Variants in KIF1A observed in about 807,000 individuals in gnomAD.
KIF1A encodes kinesin family member 1A.
In KIF1A, 46 loss-of-function variants were observed where a neutral mutation model predicts 227.3. The observed-to-expected ratio is 0.20, with a 90% confidence interval of 0.16 to 0.26. The LOEUF (loss-of-function observed/expected upper bound fraction) is 0.26, where lower values mean the gene tolerates loss of function less well. KIF1A is among the 10% of genes least tolerant of loss of function. The probability of loss-of-function intolerance (pLI) is 1.00; values close to 1 mark genes in which losing one functional copy is unlikely to be tolerated. For missense variants in KIF1A, 1,683 were observed against 2,485.9 expected, an observed-to-expected ratio of 0.68 and a Z score of 6.87; for synonymous variants, 1,022 against 1,012.8, an observed-to-expected ratio of 1.01 and a Z score of -0.17.
intron 27 of KIF1A, among the ~76,000 whole-genome samples, chr2:240,754,406 G>A (rs1438793545): frequency 1.3e-5 from 2 of 152,180 alleles, no homozygotes; most frequent in African/African-American, 4.8e-5. Context: ...TGATAGACTT[G>A]TTCAGCCAGA....
intron 32 of KIF1A, among the ~76,000 whole-genome samples, chr2:240,744,758 G>A (rs2048389390): frequency 6.6e-6 from 1 of 152,154 alleles, no homozygotes; most frequent in Admixed American, 6.5e-5. Context: ...GTTTTTAGAT[G>A]CCCCCACCTG....
chr2:240,745,501 C>T lies in KIF1A; in HGVS notation c.3391G>A (p.Asp1131Asn). The T allele has an allele frequency of 6.2e-7, 1 of 1,611,774 alleles. No individual in the cohort carries two copies. The highest frequency in any genetic ancestry group is 8.5e-7 in the Non-Finnish European group (1 of 1,178,460). ...FCQFNFIHRH[D>N]EAFSTEPLKN... ...AGGGGCTCTGTGGAGAAGGCCTCGT[C>T]GTGGCGGTGGATGAAGCTGCAAAGC... Residue 1131 changes from aspartate to asparagine, a missense_variant, in exon 32 of 49, where the codon GAC becomes AAC. By Grantham distance (23) the Asp-to-Asn change is conservative (BLOSUM62 1). Around this residue, in one of 12 missense-constraint regions of KIF1A, gnomAD observed 759 missense variants for 1,020.2 expected, o/e 0.74. Coordinates refer to ENST00000498729, the MANE Select transcript of KIF1A (RefSeq NM_001244008.2).
intron 45 of KIF1A, chr2:240,720,262 TCCA>T: frequency 4.5e-6 from 1 of 220,528 alleles, no homozygotes; most frequent in African/African-American, 2.3e-5. Flanking sequence ...TCTCTTCATC[TCCA>T]CAACTAGACT....
intron 1 of KIF1A, among the ~76,000 whole-genome samples, chr2:240,804,997 G>T (rs369305546): frequency 6.8e-6 from 1 of 147,406 alleles, no homozygotes. Flanking sequence ...CAAAAAAGGA[G>T]AGGAGAGAAG....
Position 240,788,046 on chromosome 2 carries a change from C to CGA in KIF1A, c.363+4_363+5insTC. On this transcript the variant is annotated splice_donor_region_variant and intron_variant, in intron 4 of 48. Transcript: ENST00000498729. This position sits in a 1 kb window ranked among gnomAD's most constrained non-coding sequence, Gnocchi z 6.6. The stretch of plus-strand genomic sequence containing the variant: ...GGCTGCCCCCGCCCGCCCCCCGCTT[C>CGA]GTGCCTGTGGGATGATGCCCTGCTG... 8.5e-7 allele frequency: 1 copy of CGA among 1,173,798 alleles called. No homozygotes were observed. Among genetic ancestry groups the CGA allele is most frequent in the Non-Finnish European group, 1.2e-6 (1 of 827,396 alleles). 72.7% of individuals were successfully genotyped at this position (1,173,798 alleles called of 1,614,324 possible).
At chr2:240,731,345 C>A (rs1242885250) in intron 38 of KIF1A, among the ~76,000 whole-genome samples, 1 of 152,220 alleles carries the variant, frequency 6.6e-6, no homozygotes, top group African/African-American at 2.4e-5. Context: ...TGCATCCTGT[C>A]CCCACAGGCT....
chr2:240,816,405 AT>A (rs2126265335), intron 1 of KIF1A, among the ~76,000 whole-genome samples: 1 of 152,122 alleles, frequency 6.6e-6, no homozygotes, highest in African/African-American at 2.4e-5. Context: ...GAGTGGATGC[AT>A]GTGACTATGA....
chr2:240,800,926 G>A (rs1393547045), intron 1 of KIF1A, among the ~76,000 whole-genome samples: 10 of 152,186 alleles, frequency 6.6e-5, no homozygotes, highest in Middle Eastern at 3.2e-3. Context: ...ACCTGCCCTC[G>A]CTTGGTTTAA....
At chr2:240,781,424 C>T (rs1178449122) in intron 10 of KIF1A, among the ~76,000 whole-genome samples, 1 of 79,278 alleles carries the variant, frequency 1.3e-5, no homozygotes, top group Non-Finnish European at 2.5e-5. Context: ...CACACACACA[C>T]ACAGCTCCAC....
intron 27 of KIF1A, among the ~76,000 whole-genome samples, chr2:240,751,526 A>T (rs1429738032): frequency 6.6e-6 from 1 of 152,144 alleles, no homozygotes; most frequent in African/African-American, 2.4e-5. Flanking sequence ...TGCAGCAGCA[A>T]GTCAGAAACC....
intron 9 of KIF1A, 75 bp from the exon 10 acceptor site, chr2:240,782,682 C>A (rs988407719): frequency 3.4e-5 from 50 of 1,470,182 alleles, no homozygotes; most frequent in Non-Finnish European, 4.5e-5. Flanking sequence ...GAAGAGCAGG[C>A]GGCCCGGCTG....
At position 240,766,434 on chromosome 2, in the gene KIF1A, C is replaced by T. The variant is rs1011947594; in HGVS notation, c.1684+481G>A. ...CAGGCAGGGGAAACGGACAGATGGC[C>T]GCCCACAGCCAACAGGAAACCAAGG... On this transcript the variant is annotated intron_variant, in intron 19 of 48. Coordinates refer to ENST00000498729, the MANE Select transcript of KIF1A (RefSeq NM_001244008.2). The surrounding 1 kb of genome is among the most constrained non-coding windows in gnomAD (Gnocchi z 5.0). 6.6e-6 allele frequency among the ~76,000 whole-genome samples: 1 copy of T among 152,256 alleles called. No homozygotes were observed. Among genetic ancestry groups the T allele is most frequent in the Non-Finnish European group, 1.5e-5 (1 of 68,004 alleles).
At chr2:240,776,297 G>A (rs896500861) in intron 10 of KIF1A, among the ~76,000 whole-genome samples, 3 of 152,096 alleles carry the variant, frequency 2.0e-5, no homozygotes, top group African/African-American at 2.4e-5. Flanking sequence ...GCCCCTCCTC[G>A]AACACCATCA....
At chr2:240,755,117 A>G (rs2049684274) in intron 27 of KIF1A, among the ~76,000 whole-genome samples, 1 of 152,086 alleles carries the variant, frequency 6.6e-6, no homozygotes, top group South Asian at 2.1e-4. Context: ...CTGTTGGAAT[A>G]TGGGCAGTGG....
Position 240,745,893 on chromosome 2 carries a change from G to A in KIF1A, c.3219C>T (p.Gly1073=). 1 of 1,604,542 alleles carries A rather than the reference G, an allele frequency of 6.2e-7. No homozygotes were observed. The highest frequency in any genetic ancestry group is 8.5e-7 in the Non-Finnish European group (1 of 1,174,052). Residue 1073 remains glycine, a synonymous_variant, in exon 31 of 49, where the codon GGC becomes GGT. Coordinates refer to ENST00000498729, the MANE Select transcript of KIF1A (RefSeq NM_001244008.2). ...CTTTCTCAGAGCTGTCTAGGAGGAG[G>A]CCTTCTGGGGGCACTGCTGCTGGGA... is the stretch of plus-strand genomic sequence containing the variant. ...NNTCSAVPPE[G]LLLDSSEKAA...
Position 240,757,227 on chromosome 2 carries a change from G to T in KIF1A, c.2858+92C>A. 1 of 1,326,768 alleles carries T rather than the reference G, an allele frequency of 7.5e-7. No homozygotes were observed. Among genetic ancestry groups the T allele is most frequent in the Admixed American group, 2.1e-5 (1 of 47,894 alleles). The allele number at this position is 1,326,768 out of a possible 1,614,324, so 82.2% of individuals were successfully genotyped here. A position where few individuals can be genotyped will look rare whatever the true frequency, so the allele number is the denominator to read the frequency against. ...CCTCGCCTGCCCTGGGAGGGCCCGG[G>T]CCAGGCCCCAGCGGTTCCTCTGTGC... On this transcript the variant is annotated intron_variant, in intron 27 of 48. Transcript: ENST00000498729. The surrounding 1 kb of genome is among the most constrained non-coding windows in gnomAD (Gnocchi z 6.2).
chr2:240,784,124 G>A (rs1009727581), intron 7 of KIF1A, among the ~76,000 whole-genome samples: 2 of 152,230 alleles, frequency 1.3e-5, no homozygotes, highest in African/African-American at 4.8e-5. Context: ...CATCCACGAG[G>A]TGCGACTGTC....
intron 38 of KIF1A, chr2:240,728,516 G>A (rs1004020975): frequency 2.6e-5 from 19 of 722,112 alleles, no homozygotes; most frequent in Non-Finnish European, 3.3e-5. Context: ...TTAAGAGTTC[G>A]GCAGGTGCAC....
At chr2:240,721,757 T>C in intron 44 of KIF1A, 50 bp downstream of exon 44, 1 of 1,467,486 alleles carries the variant, frequency 6.8e-7, no homozygotes, top group South Asian at 1.2e-5. Context: ...CCACTGCCTA[T>C]GGGAGCCCGA....
Sources: allele counts gnomAD v4.1 joint callset (sites outside exome capture counted in the v4.1 genomes callset), GRCh38; gene constraint gnomAD v4.1.1; regional missense constraint gnomAD v4.1.1; non-coding constraint Gnocchi (gnomAD v3.1); transcripts MANE v1.5; gene names NCBI Gene and HGNC (gene_info 2026-07-23, HGNC 2026-07-21).